Variants in PIEZO1 observed in about 807,000 individuals in gnomAD.
PIEZO1 encodes piezo-type mechanosensitive ion channel component 1.
PIEZO1 carries 296 observed loss-of-function variants against 297.2 expected under a neutral mutation model. That is an observed-to-expected ratio of 1.00 (90% CI 0.91 to 1.10). PIEZO1 has a LOEUF of 1.10. Ranked by LOEUF, PIEZO1 falls within the 50% of genes least tolerant of loss-of-function variation. The probability of loss-of-function intolerance (pLI) is 0.00; values close to 1 mark genes in which losing one functional copy is unlikely to be tolerated. For missense variants in PIEZO1, 5,018 were observed against 3,455.5 expected, an observed-to-expected ratio of 1.45 and a Z score of -11.34; for synonymous variants, 2,427 against 1,507.5, an observed-to-expected ratio of 1.61 and a Z score of -14.13.
At position 88,733,569 on chromosome 16, in the gene PIEZO1, A is replaced by C. The variant is rs145574894; in HGVS notation, c.2487+19T>G. On this transcript the variant is annotated intron_variant, in intron 18 of 50. Coordinates refer to ENST00000301015, the MANE Select transcript of PIEZO1 (RefSeq NM_001142864.4). ...CGACCCCACCCCAGATGGGAAGCTG[A>C]GTTGCCTGCCACACTCACCTCCTTC... The C allele has an allele frequency of 1.8e-4, 281 of 1,530,980 alleles. No individual in the cohort carries two copies. Among genetic ancestry groups the C allele is most frequent in the Non-Finnish European group, 6.4e-5 (72 of 1,133,106 alleles). The allele number at this position is 1,530,980 out of a possible 1,614,324, so 94.8% of individuals were successfully genotyped here.
chr16:88,720,519 A>G lies in PIEZO1; in HGVS notation c.5815T>C (p.Tyr1939His), dbSNP rs764168855. 34 of 1,549,968 alleles carry G rather than the reference A, an allele frequency of 2.2e-5. No individual in the cohort carries two copies. The highest frequency in any genetic ancestry group is 2.9e-5 in the Non-Finnish European group (33 of 1,146,948). ...TGGAAGAAGCGCCGTAGCGGCCGAT[A>G]TGTGCCCTGGGCCCTGCGGAAGGGG... The part of the protein sequence containing the change: ...GFCLSLAQGT[Y>H]RPLRRFFHDI... The change falls in exon 41 of 51, where the codon TAT (tyrosine) becomes CAT (histidine). Residue 1939 changes from tyrosine to histidine, a missense_variant. Tyr to His is a moderately conservative substitution (Grantham distance 83, BLOSUM62 2). Transcript: ENST00000301015.
intron 12 of PIEZO1, 85 bp downstream of exon 12, chr16:88,736,063 C>T (rs932043293): frequency 7.4e-7 from 1 of 1,358,494 alleles, no homozygotes; most frequent in Non-Finnish European, 9.9e-7. Context: ...CTGCCACTCC[C>T]CCGGGCAAGT....
intron 1 of PIEZO1, among the ~76,000 whole-genome samples, chr16:88,753,008 C>T (rs1906468324): frequency 6.6e-6 from 1 of 151,958 alleles, no homozygotes; most frequent in Non-Finnish European, 1.5e-5. Context: ...TCCCAGGTGG[C>T]GGCCACTCAC....
At chr16:88,766,828 C>T (rs1294299469) in intron 1 of PIEZO1, among the ~76,000 whole-genome samples, 3 of 152,334 alleles carry the variant, frequency 2.0e-5, no homozygotes, top group African/African-American at 7.2e-5. Flanking sequence ...GCCACAGGGA[C>T]GATCACCTCA....
chr16:88,717,750 T>G (rs1176946611), intron 44 of PIEZO1: 14 of 449,854 alleles, frequency 3.1e-5, no homozygotes, highest in Non-Finnish European at 5.3e-5. Flanking sequence ...ATTGATAAGG[T>G]TCTAGCAACC....
intron 6 of PIEZO1, 50 bp downstream of exon 6, chr16:88,738,518 C>G: frequency 7.2e-7 from 1 of 1,389,368 alleles, no homozygotes; most frequent in Non-Finnish European, 9.2e-7. Flanking sequence ...CAGGGAACTC[C>G]CAAGACCCCT....
Position 88,716,708 on chromosome 16 carries a change from C to T in PIEZO1, c.6777G>A (p.Gln2259=), listed in dbSNP as rs1376766693. The change falls in exon 47 of 51, where the codon CAG becomes CAA. Residue 2259 remains glutamine, a synonymous_variant. Transcript: ENST00000301015. ...CCGTGACGATGTCCTCAGGGCTGTA[C>T]TGGCTGATGAACTGCATGGCCAGCT... The part of the protein sequence containing the change: ...PQPLAMQFIS[Q]YSPEDIVTAQ... 1.9e-6 allele frequency: 3 copies of T among 1,548,386 alleles called. No individual in the cohort carries two copies. The highest frequency in any genetic ancestry group is 4.9e-5 in the East Asian group (2 of 40,940).
chr16:88,722,131 T>C (rs970589059), intron 36 of PIEZO1, 65 bp from the exon 37 acceptor site: 12 of 1,523,100 alleles, frequency 7.9e-6, no homozygotes, highest in East Asian at 2.5e-5. Flanking sequence ...GCCCGATCTG[T>C]TGCCGGTCAC....
Position 88,733,262 on chromosome 16 carries a change from C to G in PIEZO1, c.2664+16G>C. On this transcript the variant is annotated intron_variant, in intron 19 of 50. Transcript: ENST00000301015. ...GCCTGGAGCTTCCTCCCGTCCCAGC[C>G]CTCGGGGGCCGGTACCTCGGTGCAG... The G allele has an allele frequency of 6.5e-7, 1 of 1,533,240 alleles. No homozygotes were observed. The highest frequency in any genetic ancestry group is 8.8e-7 in the Non-Finnish European group (1 of 1,132,882). The allele number at this position is 1,533,240 out of a possible 1,614,324, so 95.0% of individuals were successfully genotyped here.
chr16:88,732,284 C>T (rs903527416), intron 21 of PIEZO1, 51 bp downstream of exon 21: 4 of 1,473,996 alleles, frequency 2.7e-6, no homozygotes, highest in Non-Finnish European at 3.7e-6. Flanking sequence ...GCCGTCCCTC[C>T]CTCCCGAAGG....
At position 88,722,861 on chromosome 16, in the gene PIEZO1, G is replaced by A. The variant is rs767440489; in HGVS notation, c.4644C>T (p.Tyr1548=). The part of the protein sequence containing the change: ...TMSDVLRAER[Y]LLTQELLQGG... ...CCTGCAGGAGCTCCTGTGTGAGGAGGTAGCGCTCTGCCCGCAGCACGTCGC... is the reference window on the plus strand; with the variant it reads ...CCTGCAGGAGCTCCTGTGTGAGGAGATAGCGCTCTGCCCGCAGCACGTCGC... Residue 1548 remains tyrosine (Y), a synonymous_variant, in exon 34 of 51, where the codon TAC becomes TAT. Coordinates refer to ENST00000301015, the MANE Select transcript of PIEZO1 (RefSeq NM_001142864.4). 2 of 1,547,648 alleles carry A rather than the reference G, an allele frequency of 1.3e-6. No homozygotes were observed. Among genetic ancestry groups the A allele is most frequent in the South Asian group, 2.4e-5 (2 of 84,056 alleles).
At chr16:88,746,294 G>T (rs980342518) in intron 2 of PIEZO1, among the ~76,000 whole-genome samples, 3 of 152,278 alleles carry the variant, frequency 2.0e-5, no homozygotes, top group African/African-American at 4.8e-5. Context: ...TAAGAGGTGG[G>T]GGGTGATCTC....
chr16:88,735,174 A>G lies in PIEZO1; in HGVS notation c.1630T>C (p.Ser544Pro), dbSNP rs1228262545. 3 of 1,550,242 alleles carry G rather than the reference A, an allele frequency of 1.9e-6. No individual in the cohort carries two copies. Among genetic ancestry groups the G allele is most frequent in the Admixed American group, 2.0e-5 (1 of 50,998 alleles). Reference sequence around the variant, plus strand: ...GTGACCTCCGTCAGCGCAGCTGGAGACTCTGCCCACTTCAGCAGCTTCTCT... The same window carrying G: ...GTGACCTCCGTCAGCGCAGCTGGAGGCTCTGCCCACTTCAGCAGCTTCTCT... ...VKEKLLKWAE[S>P]PAALTEVTVA... Residue 544 changes from serine (S) to proline (P), a missense_variant, in exon 13 of 51, where the codon TCT becomes CCT. Physicochemically the swap from Ser to Pro is moderately conservative, Grantham distance 74 (BLOSUM62 -1). Transcript: ENST00000301015.
rs936403440 is a variant in PIEZO1 at position 88,721,811 on chromosome 16, G to A, written c.5211C>T (p.Thr1737=). 2.8e-5 allele frequency: 43 copies of A among 1,543,320 alleles called. No individual in the cohort carries two copies. Among genetic ancestry groups the A allele is most frequent in the South Asian group, 3.6e-5 (3 of 83,896 alleles). Residue 1737 remains threonine, a synonymous_variant, in exon 37 of 51, where the codon ACC becomes ACT. Transcript: ENST00000301015. ...KRFWMTAIVF[T]EIAVVVKYLF... ...CTCCCCCGCGGCCTCGGCCCACCTC[G>A]GTGAAGACGATGGCCGTCATCCAGA...
chr16:88,762,337 A>C (rs1647127454), intron 1 of PIEZO1, among the ~76,000 whole-genome samples: 2 of 152,196 alleles, frequency 1.3e-5, no homozygotes, highest in African/African-American at 4.8e-5. Flanking sequence ...CTTCCTTCAC[A>C]CACCATGGCC....
Position 88,723,978 on chromosome 16 carries a change from G to A in PIEZO1, c.4235-7C>T, listed in dbSNP as rs1157597454. 1 of 1,515,354 alleles carries A rather than the reference G, an allele frequency of 6.6e-7. No homozygotes were observed. The highest frequency in any genetic ancestry group is 1.7e-4 in the Middle Eastern group (1 of 5,930). 93.9% of individuals were successfully genotyped at this position (1,515,354 alleles called of 1,614,324 possible). A position where few individuals can be genotyped will look rare whatever the true frequency, so the allele number is the denominator to read the frequency against. On this transcript the variant is annotated splice_polypyrimidine_tract_variant and splice_region_variant and intron_variant, in intron 30 of 50. Coordinates refer to ENST00000301015, the MANE Select transcript of PIEZO1 (RefSeq NM_001142864.4). ...TAGTCCCCGGAGTGGATGACTGTGG[G>A]CAGGCAGCACTGAGAGCCAGCCTTC...
At chr16:88,748,716 C>T (rs572000657) in intron 2 of PIEZO1, among the ~76,000 whole-genome samples, 14 of 152,228 alleles carry the variant, frequency 9.2e-5, no homozygotes, top group African/African-American at 2.9e-4. Flanking sequence ...CCCTCACAGC[C>T]CCTGCAACAC....
intron 44 of PIEZO1, chr16:88,719,294 G>C (rs962047431): frequency 2.3e-6 from 1 of 428,064 alleles, no homozygotes; most frequent in South Asian, 3.0e-5. Flanking sequence ...GCAGCAAACA[G>C]TGGCTGTCCG....
rs1222507494 is a variant in PIEZO1 at position 88,749,365 on chromosome 16, C to T, written c.160+19G>A. On this transcript the variant is annotated intron_variant, in intron 2 of 50. Coordinates refer to ENST00000301015, the MANE Select transcript of PIEZO1 (RefSeq NM_001142864.4). ...CCCCCTCCCACCCTGAGAGCGTGGGCAGGGTCCCCTGGCCTTACCTTGGAG... is the reference window on the plus strand; with the variant it reads ...CCCCCTCCCACCCTGAGAGCGTGGGTAGGGTCCCCTGGCCTTACCTTGGAG... 1 of 1,453,602 alleles carries T rather than the reference C, an allele frequency of 6.9e-7. No individual in the cohort carries two copies. The highest frequency in any genetic ancestry group is 1.4e-5 in the South Asian group (1 of 71,952). The allele number at this position is 1,453,602 out of a possible 1,614,324, so 90.0% of individuals were successfully genotyped here.
Sources: gnomAD v4.1 joint callset for allele counts (sites outside exome capture counted in the v4.1 genomes callset) on GRCh38, gnomAD v4.1.1 for gene constraint, MANE v1.5 for transcripts, NCBI Gene and HGNC (gene_info 2026-07-23, HGNC 2026-07-21) for gene names.